PATL2: variants seen among roughly 807,000 people sequenced by gnomAD.
PATL2 encodes the protein PAT1 homolog 2.
A neutral mutation model predicts 77.0 loss-of-function variants in PATL2; 73 were observed. The observed-to-expected ratio is 0.95, with a 90% CI of 0.78 to 1.15. The LOEUF (loss-of-function observed/expected upper bound fraction) is 1.15, where lower values mean the gene tolerates loss of function less well. Ranked by LOEUF, PATL2 falls within the 50% of genes most tolerant of loss-of-function variation. PATL2 has a pLI of 0.00. For synonymous variants in PATL2, 265 were observed against 257.1 expected, an observed-to-expected ratio of 1.03 and a Z score of -0.29; for missense variants, 618 against 655.4, an observed-to-expected ratio of 0.94 and a Z score of 0.62.
At position 44,669,298 on chromosome 15, in the gene PATL2, T is replaced by TG. The variant is rs2085543375; in HGVS notation, c.1045dup (p.Gln349ProfsTer59). 3.9e-6 allele frequency: 6 copies of TG among 1,550,896 alleles called. No individual in the cohort carries two copies. In the South Asian group the frequency reaches 7.1e-5, roughly 18 times the overall value. On this transcript the variant is annotated frameshift_variant, in exon 13 of 18. Transcript: ENST00000682850. LOFTEE classifies it high-confidence loss of function. Reference sequence around the variant, plus strand: ...CACTCACTCCAGGTTGTTCTGCTCCTGGGTCTTTAAGGTCTGGAAGAGCTT... The same window carrying TG: ...CACTCACTCCAGGTTGTTCTGCTCCTGGGGTCTTTAAGGTCTGGAAGAGCTT...
intron 3 of PATL2, among the ~76,000 whole-genome samples, chr15:44,678,156 T>C (rs1015410164): frequency 6.6e-6 from 1 of 152,220 alleles, no homozygotes; most frequent in South Asian, 2.1e-4. Flanking sequence ...CCAGCTGGGT[T>C]CTGGCCTTTT....
At chr15:44,707,052 G>T (rs1187854998) in intron 3 of PATL2, among the ~76,000 whole-genome samples, 2 of 152,012 alleles carry the variant, frequency 1.3e-5, no homozygotes, top group Non-Finnish European at 2.9e-5. Context: ...GCCTGTGGTG[G>T]GTACTGTCTG....
In PATL2 at chr15:44,669,787, G is replaced by T. The variant is rs533258380; in HGVS notation, c.866C>A (p.Thr289Asn). The change falls in exon 11 of 18, where the codon ACT (threonine) becomes AAT (asparagine). Residue 289 changes from threonine to asparagine, a missense_variant. Coordinates refer to ENST00000682850, the MANE Select transcript of PATL2 (RefSeq NM_001387263.1). ...AGATAGTGCTCCCACCTGCTCTTGA[G>T]TTCCATGGGGTACCGCATCAATAGC... ...RRAIDAVPHG[T>N]QEQDIEAASS... 1.3e-5 allele frequency: 20 copies of T among 1,551,704 alleles called. No homozygotes were observed. In the Admixed American group the frequency reaches 2.7e-4, roughly 21 times the overall value.
chr15:44,705,213 C>CGA (rs1293588239), intron 3 of PATL2, among the ~76,000 whole-genome samples: 1 of 151,984 alleles, frequency 6.6e-6, no homozygotes, highest in Non-Finnish European at 1.5e-5. Context: ...GACAGAGTCT[C>CGA]ACTTTGTTGT....
At chr15:44,668,287 T>C in intron 15 of PATL2, 55 bp downstream of exon 15, 2 of 1,520,764 alleles carry the variant, frequency 1.3e-6, no homozygotes, top group East Asian at 2.5e-5. Context: ...TTACCCCTTA[T>C]CAGTGATACC....
intron 3 of PATL2, among the ~76,000 whole-genome samples, chr15:44,680,349 T>G (rs1262294898): frequency 6.6e-6 from 1 of 152,182 alleles, no homozygotes; most frequent in African/African-American, 2.4e-5. Flanking sequence ...GGCATTGTCC[T>G]CCTCCAGTCT....
At position 44,665,941 on chromosome 15, in the gene PATL2, A is replaced by G; in HGVS notation, c.*12T>C. Reference sequence around the variant, plus strand: ...TCAACTTCCCACATACACGTATTCCAGAACAAACAGATCAGTAAATCCAGG... The same window carrying G: ...TCAACTTCCCACATACACGTATTCCGGAACAAACAGATCAGTAAATCCAGG... On this transcript the variant is annotated 3_prime_UTR_variant, in exon 18 of 18. Coordinates refer to ENST00000682850, the MANE Select transcript of PATL2 (RefSeq NM_001387263.1). The G allele has an allele frequency of 6.5e-7, 1 of 1,547,840 alleles. No individual in the cohort carries two copies. Among genetic ancestry groups the G allele is most frequent in the Non-Finnish European group, 8.7e-7 (1 of 1,146,054 alleles).
chr15:44,667,082 T>C, intron 16 of PATL2, 24 bp downstream of exon 16: 1 of 1,517,554 alleles, frequency 6.6e-7, no homozygotes, highest in Non-Finnish European at 9.0e-7. Flanking sequence ...CTAGATAGTA[T>C]TTACAAGGCC....
chr15:44,675,206 G>T, intron 5 of PATL2: 1 of 387,888 alleles, frequency 2.6e-6, no homozygotes, highest in South Asian at 4.7e-5. Context: ...AGGCAAACGT[G>T]ACTCACCTTT....
At chr15:44,690,522 T>G (rs75697181) in intron 3 of PATL2, among the ~76,000 whole-genome samples, 10,237 of 149,312 alleles carry the variant, frequency 0.069, 858 homozygotes, top group African/African-American at 0.19. Context: ...TTTTTTGGTA[T>G]AAACAGCATC....
rs116395256 is a variant in PATL2 at position 44,708,724 on chromosome 15, G to A, written c.-76+1372C>T. Among the ~76,000 whole-genome samples the A allele has an allele frequency of 9.7e-3, 1,477 of 152,196 alleles. 25 individuals carry two copies. Among genetic ancestry groups the A allele is most frequent in the African/African-American group, 0.034 (1,416 of 41,504 alleles). On this transcript the variant is annotated intron_variant, in intron 3 of 17. Transcript: ENST00000682850. The stretch of plus-strand genomic sequence containing the variant: ...TTTACCTGTTGATGTATGTTGGATC[G>A]TTTCTAGTTTTCAGCTATCACAAAT...
chr15:44,682,605 ACTC>A (rs910285680), intron 3 of PATL2, among the ~76,000 whole-genome samples: 1 of 152,072 alleles, frequency 6.6e-6, no homozygotes, highest in African/African-American at 2.4e-5. Context: ...ACTCCAGCTC[ACTC>A]CTCACGTTCT....
intron 11 of PATL2, 21 bp downstream of exon 11, chr15:44,669,752 ATGTC>A: frequency 2.6e-6 from 4 of 1,549,790 alleles, no homozygotes; most frequent in Non-Finnish European, 3.5e-6. Context: ...GGAGAGAAAA[ATGTC>A]TGGGAAGATA....
intron 15 of PATL2, 122 bp from the exon 16 acceptor site, chr15:44,667,325 T>G: frequency 1.4e-6 from 1 of 713,592 alleles, no homozygotes; most frequent in South Asian, 1.7e-5. Context: ...GCTCAAAATA[T>G]CCACAAGTGC....
At chr15:44,707,968 C>T (rs2086775248) in intron 3 of PATL2, among the ~76,000 whole-genome samples, 1 of 152,220 alleles carries the variant, frequency 6.6e-6, no homozygotes, top group South Asian at 2.1e-4. Flanking sequence ...TCCATGGGAC[C>T]TGGGTGAGTT....
intron 9 of PATL2, among the ~76,000 whole-genome samples, chr15:44,670,736 C>T (rs1280691469): frequency 1.3e-5 from 2 of 152,224 alleles, no homozygotes; most frequent in African/African-American, 4.8e-5. Context: ...TCCTGCATTC[C>T]TCATGCTCTA....
intron 3 of PATL2, among the ~76,000 whole-genome samples, chr15:44,692,165 T>C (rs1036700407): frequency 3.9e-5 from 6 of 152,202 alleles, no homozygotes; most frequent in African/African-American, 1.4e-4. Flanking sequence ...TGCATCTTTG[T>C]AAACATATAT....
intron 3 of PATL2, among the ~76,000 whole-genome samples, chr15:44,678,587 T>C (rs1425448118): frequency 2.0e-5 from 3 of 152,188 alleles, no homozygotes; most frequent in Non-Finnish European, 4.4e-5. Flanking sequence ...AAGCAGATGC[T>C]TCCCACAGCC....
chr15:44,666,598 G>C, intron 16 of PATL2, 57 bp from the exon 17 acceptor site: 1 of 1,437,644 alleles, frequency 7.0e-7, no homozygotes, highest in Non-Finnish European at 9.2e-7. Flanking sequence ...ACAGACTCAG[G>C]GCCAAGGTTT....
Sources: gnomAD v4.1 joint callset for allele counts (sites outside exome capture counted in the v4.1 genomes callset) on GRCh38, gnomAD v4.1.1 for gene constraint, MANE v1.5 for transcripts, NCBI Gene and HGNC (gene_info 2026-07-23, HGNC 2026-07-21) for gene names.